Variants in ZNF69 observed in about 807,000 individuals in gnomAD.
The protein encoded by ZNF69 is zinc finger protein 69.
A neutral mutation model predicts 50.9 loss-of-function variants in ZNF69; 47 were observed. The ratio of observed to expected loss-of-function variants is 0.92; its 90% CI spans 0.73 to 1.18. The LOEUF (loss-of-function observed/expected upper bound fraction) is 1.18. Ranked by LOEUF, ZNF69 falls within the 50% of genes most tolerant of loss-of-function variation. The probability of loss-of-function intolerance (pLI) is 0.00; values close to 1 mark genes in which losing one functional copy is unlikely to be tolerated. For synonymous variants in ZNF69, 216 were observed against 223.1 expected, an observed-to-expected ratio of 0.97 and a Z score of 0.29; for missense variants, 717 against 675.1, an observed-to-expected ratio of 1.06 and a Z score of -0.69.
Position 11,903,595 on chromosome 19 carries a change from T to G in ZNF69, c.86T>G (p.Val29Gly). 6.2e-7 allele frequency: 1 copy of G among 1,614,134 alleles called. No homozygotes were observed. The highest frequency in any genetic ancestry group is 8.5e-7 in the Non-Finnish European group (1 of 1,180,018). Reference sequence around the variant, plus strand: ...CAGGACCCAGTGGCCTTTGATGATGTTGCTGTGAACTTCACCCAGGAGGAG... The same window carrying G: ...CAGGACCCAGTGGCCTTTGATGATGGTGCTGTGAACTTCACCCAGGAGGAG... The part of the protein sequence containing the change: ...QEMDPVAFDD[V>G]AVNFTQEEWA... Residue 29 changes from valine (V) to glycine (G), a missense_variant, in exon 2 of 4, where the codon GTT (valine) becomes GGT (glycine). Transcript: ENST00000429654.
At chr19:11,915,130 G>A (rs1337574752), downstream of ZNF69, among the ~76,000 whole-genome samples, 2 of 152,170 alleles carry the variant, frequency 1.3e-5, no homozygotes, top group Non-Finnish European at 2.9e-5. Context: ...CTTGAGCCTG[G>A]AGACAGAGGT....
At chr19:11,950,376 G>T in the ZNF69 span, 3 of 943,224 alleles carry the variant, frequency 3.2e-6, no homozygotes, top group Non-Finnish European at 4.9e-6. Context: ...CTCACACTGG[G>T]GAGAAACCCT....
the ZNF69 span, among the ~76,000 whole-genome samples, chr19:11,944,712 AGGGG>A: frequency 5.3e-5 from 8 of 152,220 alleles, no homozygotes; most frequent in Admixed American, 1.3e-4. Context: ...AGATCTTCAA[AGGGG>A]GCTGCTCCAT....
chr19:11,966,866 AC>A, the ZNF69 span, among the ~76,000 whole-genome samples: 2 of 152,176 alleles, frequency 1.3e-5, no homozygotes, highest in African/African-American at 2.4e-5. Flanking sequence ...AATGGCCCAA[AC>A]AGGAAAAACA....
the ZNF69 span, chr19:11,977,429 C>T: frequency 6.2e-7 from 1 of 1,613,902 alleles, no homozygotes. Context: ...GGAGAAACTT[C>T]AGGTAATTGG....
rs768436650 is a variant in ZNF69 at position 11,905,953 on chromosome 19, G to A, written c.1556G>A (p.Ser519Asn). The A allele has an allele frequency of 3.7e-6, 6 of 1,612,700 alleles. No homozygotes were observed. In the South Asian group the frequency reaches 6.6e-5, roughly 18 times the overall value. ...KQCGEAFSSS[S>N]SFRYHERTHT... ...TGTGGTGAAGCCTTCAGTAGTTCCAGTTCCTTTCGATACCATGAAAGGACT... is the reference window on the plus strand; with the variant it reads ...TGTGGTGAAGCCTTCAGTAGTTCCAATTCCTTTCGATACCATGAAAGGACT... The change falls in exon 4 of 4, where the codon AGT becomes AAT. Residue 519 changes from serine (S) to asparagine (N), a missense_variant. Coordinates refer to ENST00000429654, the MANE Select transcript of ZNF69 (RefSeq NM_001364730.1).
Position 11,887,801 on chromosome 19 carries a change from A to AGG in ZNF69, c.-119_-118dup. On this transcript the variant is annotated 5_prime_UTR_variant, in exon 1 of 4. Coordinates refer to ENST00000429654, the MANE Select transcript of ZNF69 (RefSeq NM_001364730.1). ...CTGCCCACTGTTCCTCCAGACACTGAGGGGGTCGCATTCCTTACCTCACCT... is the reference window on the plus strand; with the variant it reads ...CTGCCCACTGTTCCTCCAGACACTGAGGGGGGGTCGCATTCCTTACCTCACCT... The AGG allele has an allele frequency of 7.1e-6, 5 of 708,286 alleles. No homozygotes were observed. Among genetic ancestry groups the AGG allele is most frequent in the Non-Finnish European group, 1.2e-5 (5 of 430,318 alleles). 43.9% of individuals were successfully genotyped at this position (708,286 alleles called of 1,614,324 possible).
the ZNF69 span, among the ~76,000 whole-genome samples, chr19:11,937,340 ATTAT>A: frequency 7.2e-5 from 11 of 152,040 alleles, no homozygotes; most frequent in African/African-American, 1.2e-4. Context: ...ACCATGTCTA[ATTAT>A]TTATTTATTT....
the ZNF69 span, chr19:11,950,612 C>A: frequency 2.2e-6 from 1 of 446,344 alleles, no homozygotes. Flanking sequence ...GGGAGAAACT[C>A]TATGAATGTA....
chr19:11,965,236 C>T, the ZNF69 span: 2 of 1,613,746 alleles, frequency 1.2e-6, no homozygotes, highest in African/African-American at 1.3e-5. Context: ...CCGGTTGTCC[C>T]GAGACGGGGT....
intron 1 of ZNF69, among the ~76,000 whole-genome samples, chr19:11,895,991 G>A (rs1173069352): frequency 3.3e-5 from 5 of 151,980 alleles, no homozygotes; most frequent in African/African-American, 7.3e-5. Context: ...AGGCTGAGGC[G>A]GGCGGAACAC....
At chr19:11,963,215 G>A in the ZNF69 span, among the ~76,000 whole-genome samples, 4 of 151,948 alleles carry the variant, frequency 2.6e-5, no homozygotes, top group African/African-American at 9.7e-5. Flanking sequence ...TCAGCCTCCT[G>A]ACTAGCTGAG....
At chr19:11,912,604 G>A (rs1178276065) in intron 4 of ZNF69, among the ~76,000 whole-genome samples, 1 of 152,100 alleles carries the variant, frequency 6.6e-6, no homozygotes, top group African/African-American at 2.4e-5. Context: ...ACATGGGAGA[G>A]AAACCCTATG....
chr19:11,935,157 C>G, the ZNF69 span, among the ~76,000 whole-genome samples: 1 of 115,926 alleles, frequency 8.6e-6, no homozygotes, highest in African/African-American at 3.7e-5. Flanking sequence ...GCCTGGGCGA[C>G]AGAGCGAGAC....
chr19:11,897,204 A>G (rs1180687500), intron 1 of ZNF69, among the ~76,000 whole-genome samples: 1 of 152,058 alleles, frequency 6.6e-6, no homozygotes, highest in Non-Finnish European at 1.5e-5. Context: ...AAAATTAGCC[A>G]GGCCTGGTGG....
Position 11,905,223 on chromosome 19 carries a change from T to TA in ZNF69, c.827dup (p.Tyr276Ter), listed in dbSNP as rs747574381. ...HERTHTGEKP[Y>*]ECQQCGKAFH... is the part of the protein sequence containing the mutation. The stretch of plus-strand genomic sequence containing the variant: ...AAGAACTCACACTGGAGAAAAGCCT[T>TA]ATGAATGTCAGCAATGTGGGAAAGC... Residue 276 changes from tyrosine to a stop codon, truncating the protein, a stop_gained and frameshift_variant, in exon 4 of 4, where the codon TAT (tyrosine) becomes TAAT (stop). Transcript: ENST00000429654. LOFTEE classifies it high-confidence loss of function. 14 of 1,614,026 alleles carry TA rather than the reference T, an allele frequency of 8.7e-6. No individual in the cohort carries two copies. The highest frequency in any genetic ancestry group is 1.2e-5 in the Non-Finnish European group (14 of 1,180,028).
the ZNF69 span, chr19:11,948,803 C>T: frequency 6.2e-7 from 1 of 1,608,502 alleles, no homozygotes; most frequent in Non-Finnish European, 8.5e-7. Context: ...AAATCCTTTA[C>T]TTATTCTGCT....
the ZNF69 span, chr19:11,977,514 C>G: frequency 2.0e-6 from 3 of 1,493,080 alleles, no homozygotes; most frequent in South Asian, 2.4e-5. Flanking sequence ...AAACAAAGAA[C>G]TAAGTCCAGT....
chr19:11,949,567 A>T, the ZNF69 span: 2 of 1,612,220 alleles, frequency 1.2e-6, no homozygotes, highest in Non-Finnish European at 1.7e-6. Flanking sequence ...TATATGTGAG[A>T]AAGGCTTTTA....
Sources: gnomAD v4.1 joint callset for allele counts (sites outside exome capture counted in the v4.1 genomes callset) on GRCh38, gnomAD v4.1.1 for gene constraint, MANE v1.5 for transcripts, NCBI Gene and HGNC (gene_info 2026-07-23, HGNC 2026-07-21) for gene names.